FAT4: variants seen among roughly 807,000 people sequenced by gnomAD.
The protein encoded by FAT4 is FAT atypical cadherin 4.
A neutral mutation model predicts 303.9 loss-of-function variants in FAT4; 84 were observed. The observed-to-expected ratio is 0.28, with a 90% CI of 0.23 to 0.33. FAT4 has a LOEUF of 0.33. Ranked by LOEUF, FAT4 falls within the 10% of genes least tolerant of loss-of-function variation. FAT4 has a pLI of 1.00. For missense variants in FAT4, 6,005 were observed against 6,146.8 expected, an observed-to-expected ratio of 0.98 and a Z score of 0.77; for synonymous variants, 2,307 against 2,298.8, an observed-to-expected ratio of 1.00 and a Z score of -0.10.
intron 16 of FAT4, among the ~76,000 whole-genome samples, chr4:125,483,968 T>C (rs1727315935): frequency 6.9e-6 from 1 of 144,142 alleles, no homozygotes. Flanking sequence ...GCTCCTTTTC[T>C]GATCCTTTCT....
At chr4:125,485,691 TA>T (rs888688865) in intron 16 of FAT4, among the ~76,000 whole-genome samples, 8 of 152,112 alleles carry the variant, frequency 5.3e-5, no homozygotes, top group Admixed American at 2.0e-4. Flanking sequence ...AAATAATGAT[TA>T]AAAAAACGGT....
intron 2 of FAT4, among the ~76,000 whole-genome samples, chr4:125,376,530 A>G (rs558301678): frequency 1.5e-4 from 23 of 152,280 alleles, no homozygotes; most frequent in Non-Finnish European, 4.4e-5. Flanking sequence ...GTAAACCAAC[A>G]TGGCATATGT....
intron 8 of FAT4, among the ~76,000 whole-genome samples, chr4:125,439,631 G>T (rs1257813611): frequency 6.6e-6 from 1 of 151,856 alleles, no homozygotes; most frequent in Admixed American, 6.6e-5. Flanking sequence ...GAGCCACCGC[G>T]CCCCGGCCAG....
intron 2 of FAT4, among the ~76,000 whole-genome samples, chr4:125,339,575 A>G (rs574115334): frequency 2.6e-5 from 4 of 152,132 alleles, no homozygotes; most frequent in South Asian, 2.1e-4. Context: ...AACAGCAACT[A>G]CCTCTAAAAC....
intron 2 of FAT4, among the ~76,000 whole-genome samples, chr4:125,327,870 T>G (rs2125953866): frequency 6.6e-6 from 1 of 152,318 alleles, no homozygotes; most frequent in African/African-American, 2.4e-5. Flanking sequence ...CAGCTTGCAC[T>G]TTGTCATCAT....
At chr4:125,479,475 T>C (rs1167229249) in intron 14 of FAT4, among the ~76,000 whole-genome samples, 1 of 152,174 alleles carries the variant, frequency 6.6e-6, no homozygotes, top group African/African-American at 2.4e-5. Flanking sequence ...TTTATTCAAG[T>C]AAGAATTAAT....
rs117938763 is a variant in FAT4, at chr4:125,427,692, G to T, written c.7019-6553G>T. On this transcript the variant is annotated intron_variant, in intron 7 of 17. Transcript: ENST00000394329. ...GTGAGAAAAATGAGTTTACTTCATG[G>T]GGAAAAAAAGAAGCTAATACTTTAT... is the stretch of plus-strand genomic sequence containing the variant. 4.5e-4 allele frequency among the ~76,000 whole-genome samples: 69 copies of T among 151,906 alleles called. No homozygotes were observed. The East Asian group carries it at 0.013, about 29-fold the overall frequency.
intron 2 of FAT4, among the ~76,000 whole-genome samples, chr4:125,348,687 A>G (rs1732099643): frequency 6.6e-6 from 1 of 151,742 alleles, no homozygotes; most frequent in African/African-American, 2.4e-5. Flanking sequence ...ATTATCCAAG[A>G]CAGCCATATA....
At chr4:125,473,682 T>C (rs1395150768) in intron 12 of FAT4, among the ~76,000 whole-genome samples, 2 of 152,086 alleles carry the variant, frequency 1.3e-5, no homozygotes, top group African/African-American at 4.8e-5. Context: ...TACTATAATG[T>C]AAAATAAACG....
At chr4:125,475,331 T>C (rs1726991713) in intron 12 of FAT4, among the ~76,000 whole-genome samples, 1 of 152,124 alleles carries the variant, frequency 6.6e-6, no homozygotes, top group Non-Finnish European at 1.5e-5. Flanking sequence ...CACTTGCTGG[T>C]ACTCATTATA....
intron 2 of FAT4, among the ~76,000 whole-genome samples, chr4:125,342,539 A>G (rs939106487): frequency 6.6e-6 from 1 of 151,996 alleles, no homozygotes; most frequent in African/African-American, 2.4e-5. Context: ...TTTTATTAGT[A>G]TATGGCAAAC....
At chr4:125,448,069 T>C (rs1422857302) in intron 9 of FAT4, among the ~76,000 whole-genome samples, 1 of 152,092 alleles carries the variant, frequency 6.6e-6, no homozygotes, top group East Asian at 1.9e-4. Context: ...TATCATTGCA[T>C]TGGGTAGAGG....
At position 125,318,209 on chromosome 4, in the gene FAT4, A is replaced by G. The variant is rs1287052237; in HGVS notation, c.1798A>G (p.Thr600Ala). 1 of 1,614,242 alleles carries G rather than the reference A, an allele frequency of 6.2e-7. No individual in the cohort carries two copies. Among genetic ancestry groups the G allele is most frequent in the East Asian group, 2.2e-5 (1 of 44,868 alleles). ...VSVVENAPTG[T>A]ELLMLRATDG... The stretch of plus-strand genomic sequence containing the variant: ...TGTGGTTGAGAATGCCCCAACAGGG[A>G]CAGAACTGTTGATGCTCAGGGCAAC... The change falls in exon 2 of 18, where the codon ACA becomes GCA. Residue 600 changes from threonine (T) to alanine (A), a missense_variant. Coordinates refer to ENST00000394329, the MANE Select transcript of FAT4 (RefSeq NM_001291303.3).
chr4:125,441,277 A>G (rs558543091), intron 8 of FAT4, among the ~76,000 whole-genome samples: 3 of 152,348 alleles, frequency 2.0e-5, no homozygotes, highest in African/African-American at 7.2e-5. Flanking sequence ...TGGAAAGAAT[A>G]GTATGGCCAA....
chr4:125,415,217 T>C lies in FAT4; in HGVS notation c.6254T>C (p.Ile2085Thr), dbSNP rs773272677. The change falls in exon 6 of 18, where the codon ATT becomes ACT. Residue 2085 changes from isoleucine (I) to threonine (T), a missense_variant. Coordinates refer to ENST00000394329, the MANE Select transcript of FAT4 (RefSeq NM_001291303.3). Reference sequence around the variant, plus strand: ...CCAGATAGTGGCCCAAACAGCTATATTGAGTACACTCTGCTGAACCCTTTG... The same window carrying C: ...CCAGATAGTGGCCCAAACAGCTATACTGAGTACACTCTGCTGAACCCTTTG... ...TDPDSGPNSY[I>T]EYTLLNPLGN... is the part of the protein sequence containing the mutation. 2.2e-5 allele frequency: 35 copies of C among 1,613,996 alleles called. No homozygotes were observed. The highest frequency in any genetic ancestry group is 2.9e-5 in the Non-Finnish European group (34 of 1,179,968).
At chr4:125,455,001 TG>T (rs1203300156) in intron 10 of FAT4, among the ~76,000 whole-genome samples, 2 of 152,154 alleles carry the variant, frequency 1.3e-5, no homozygotes, top group East Asian at 3.9e-4. Flanking sequence ...GTGAGTCTTA[TG>T]AGAGTTATTT....
At chr4:125,442,214 G>C (rs1725683535) in intron 8 of FAT4, among the ~76,000 whole-genome samples, 2 of 152,026 alleles carry the variant, frequency 1.3e-5, no homozygotes, top group Non-Finnish European at 2.9e-5. Flanking sequence ...CTTTCTCTGA[G>C]GAAGCTTTAT....
chr4:125,380,005 T>G (rs1733479600), intron 2 of FAT4, among the ~76,000 whole-genome samples: 1 of 152,124 alleles, frequency 6.6e-6, no homozygotes, highest in South Asian at 2.1e-4. Flanking sequence ...GTGATTCTCC[T>G]GCCTCAGCCT....
At chr4:125,408,057 T>A (rs995260647) in intron 4 of FAT4, among the ~76,000 whole-genome samples, 2 of 152,150 alleles carry the variant, frequency 1.3e-5, no homozygotes, top group Non-Finnish European at 2.9e-5. Context: ...TAGAGTAGTA[T>A]CACCAGGGCA....
Sources: gnomAD v4.1 joint callset for allele counts (sites outside exome capture counted in the v4.1 genomes callset) on GRCh38, gnomAD v4.1.1 for gene constraint, MANE v1.5 for transcripts, NCBI Gene and HGNC (gene_info 2026-07-23, HGNC 2026-07-21) for gene names.